The following ARHGEF7 variants were observed in gnomAD, a reference collection of about 807,000 sequenced individuals.
The protein encoded by ARHGEF7 is Rho guanine nucleotide exchange factor 7.
In ARHGEF7, 33 loss-of-function variants were observed where a neutral mutation model predicts 109.8. That is an observed-to-expected ratio of 0.30 (90% CI 0.23 to 0.40). The LOEUF (loss-of-function observed/expected upper bound fraction) is 0.40. Among genes scored for constraint, ARHGEF7 ranks in the 10% least tolerant of loss-of-function variants. The pLI is 1.00. For missense variants in ARHGEF7, 938 were observed against 1,098.5 expected (o/e 0.85, Z 2.07); for synonymous variants, 458 against 424.6 (o/e 1.08, Z -0.97).
chr13:111,166,046 C>T (rs986198891), intron 2 of ARHGEF7, among the ~76,000 whole-genome samples: 1 of 152,158 alleles, frequency 6.6e-6, no homozygotes, highest in African/African-American at 2.4e-5. Context: ...TCTGGTTCAT[C>T]TTCCTTTTAC....
rs966674303 is a variant in ARHGEF7, at chr13:111,145,519, G to A, written c.166-8386G>A. Among the ~76,000 whole-genome samples the A allele has an allele frequency of 2.6e-5, 4 of 152,212 alleles. No individual in the cohort carries two copies. Among genetic ancestry groups the A allele is most frequent in the African/African-American group, 9.7e-5 (4 of 41,448 alleles). On this transcript the variant is annotated intron_variant, in intron 1 of 21. Coordinates refer to ENST00000646102, the MANE Select transcript of ARHGEF7 (RefSeq NM_001354046.2). This position sits in a 1 kb window ranked among gnomAD's most constrained non-coding sequence, Gnocchi z 4.3. ...TGACAGGAGCCATGGTCTTCCGCGA[G>A]TGGTGTGTTGGTAAATGTTAAACAC...
chr13:111,290,595 G>C (rs771355030), intron 18 of ARHGEF7, among the ~76,000 whole-genome samples: 1 of 152,204 alleles, frequency 6.6e-6, no homozygotes. Flanking sequence ...TCATGACCAG[G>C]GTCCTGTGAT....
intron 1 of ARHGEF7, among the ~76,000 whole-genome samples, chr13:111,121,823 C>T (rs1299312669): frequency 2.0e-5 from 3 of 152,116 alleles, no homozygotes; most frequent in African/African-American, 7.2e-5. Flanking sequence ...TCTAACCTCT[C>T]GGAGTCCTAG....
intron 1 of ARHGEF7, among the ~76,000 whole-genome samples, chr13:111,133,797 ATATATATATATATAT>A (rs1318676935): frequency 0.025 from 1,002 of 40,296 alleles, 99 homozygotes; most frequent in Admixed American, 0.07. Flanking sequence ...ATATATATAT[ATATATATATATATAT>A]ATTTATTATA....
chr13:111,121,636 T>C (rs184275862), intron 1 of ARHGEF7, among the ~76,000 whole-genome samples: 2 of 151,554 alleles, frequency 1.3e-5, no homozygotes, highest in Admixed American at 1.3e-4. Flanking sequence ...AGGCACATCA[T>C]CCCTTTGGGC....
chr13:111,269,557 G>T (rs903706682), intron 9 of ARHGEF7, among the ~76,000 whole-genome samples: 4 of 152,196 alleles, frequency 2.6e-5, no homozygotes, highest in African/African-American at 9.6e-5. Context: ...GGGTTTTTGA[G>T]TCAGGAGGGT....
chr13:111,286,419 G>A (rs973182378), intron 17 of ARHGEF7, among the ~76,000 whole-genome samples, 179 bp downstream of exon 17: 1 of 152,148 alleles, frequency 6.6e-6, no homozygotes, highest in Admixed American at 6.5e-5. Flanking sequence ...AGCAGGAGAA[G>A]CGCCTTTGTG....
intron 6 of ARHGEF7, chr13:111,241,002 G>T: frequency 1.4e-6 from 1 of 711,702 alleles, no homozygotes; most frequent in Non-Finnish European, 2.2e-6. Flanking sequence ...ATGATGCAAC[G>T]AATAAAGTGT....
At chr13:111,137,747 C>T (rs547624014) in intron 1 of ARHGEF7, among the ~76,000 whole-genome samples, 7 of 152,136 alleles carry the variant, frequency 4.6e-5, no homozygotes, top group African/African-American at 1.4e-4. Context: ...ATTAAGAGGC[C>T]AAGCTCAGGA....
intron 1 of ARHGEF7, among the ~76,000 whole-genome samples, chr13:111,146,906 A>C (rs1167959131): frequency 6.6e-6 from 1 of 152,228 alleles, no homozygotes; most frequent in Non-Finnish European, 1.5e-5. Context: ...TTAAGTACAA[A>C]AGGCATACTT....
At chr13:111,118,886 T>A (rs767365569) in intron 1 of ARHGEF7, among the ~76,000 whole-genome samples, 1 of 152,212 alleles carries the variant, frequency 6.6e-6, no homozygotes, top group Non-Finnish European at 1.5e-5. Context: ...AACCTTCCTG[T>A]GTAATCCATG....
At chr13:111,195,753 T>TTA (rs2080427476) in intron 2 of ARHGEF7, among the ~76,000 whole-genome samples, 1 of 152,208 alleles carries the variant, frequency 6.6e-6, no homozygotes. Flanking sequence ...TGGACAGTCT[T>TTA]TTTTAAAGTG....
chr13:111,211,540 G>A (rs918260215), intron 4 of ARHGEF7, among the ~76,000 whole-genome samples: 3 of 152,130 alleles, frequency 2.0e-5, no homozygotes, highest in African/African-American at 7.2e-5. Context: ...CTGAAATTTC[G>A]TTATACTAGA....
intron 19 of ARHGEF7, 31 bp downstream of exon 19, chr13:111,292,325 A>G: frequency 6.2e-7 from 1 of 1,613,684 alleles, no homozygotes; most frequent in Non-Finnish European, 8.5e-7. Context: ...ATCTCTCACC[A>G]GAACTAATGC....
intron 8 of ARHGEF7, among the ~76,000 whole-genome samples, chr13:111,254,633 G>T (rs112504797): frequency 7.3e-6 from 1 of 137,490 alleles, no homozygotes; most frequent in African/African-American, 2.8e-5. Context: ...CGTGAAGGCC[G>T]GGCCCAGAAG....
At chr13:111,158,681 G>C (rs138746789) in intron 2 of ARHGEF7, among the ~76,000 whole-genome samples, 2 of 152,296 alleles carry the variant, frequency 1.3e-5, no homozygotes, top group African/African-American at 4.8e-5. Context: ...AGACCAGCTA[G>C]TCACATAAAG....
intron 2 of ARHGEF7, among the ~76,000 whole-genome samples, chr13:111,178,361 G>A (rs11618668): frequency 0.17 from 26,127 of 152,118 alleles, 3,098 homozygotes; most frequent in East Asian, 0.68. Flanking sequence ...TTTAAAAATA[G>A]CATTCTTATC....
rs562171749 is a variant in ARHGEF7, at chr13:111,141,723, A to G, written c.166-12182A>G. On this transcript the variant is annotated intron_variant, in intron 1 of 21. Coordinates refer to ENST00000646102, the MANE Select transcript of ARHGEF7 (RefSeq NM_001354046.2). ...ACCACCGTTTTTTCTCCATTCACCT[A>G]TTGAAGTACATCCTGGTTGCTTCCA... Among the ~76,000 whole-genome samples, 7 of 151,992 alleles carry G rather than the reference A, an allele frequency of 4.6e-5. No individual in the cohort carries two copies. In the East Asian group the frequency reaches 1.4e-3, roughly 29 times the overall value.
At chr13:111,134,208 T>C (rs527645818) in intron 1 of ARHGEF7, among the ~76,000 whole-genome samples, 13 of 152,260 alleles carry the variant, frequency 8.5e-5, no homozygotes, top group Admixed American at 7.2e-4. Flanking sequence ...GATATTTGGG[T>C]TGGTTCCAAG....
Sources: allele counts gnomAD v4.1 joint callset (sites outside exome capture counted in the v4.1 genomes callset), GRCh38; gene constraint gnomAD v4.1.1; non-coding constraint Gnocchi (gnomAD v3.1); transcripts MANE v1.5; gene names NCBI Gene and HGNC (gene_info 2026-07-23, HGNC 2026-07-21).